Variants in STEAP1B observed in about 807,000 individuals in gnomAD.
STEAP1B encodes the protein STEAP family protein MGC87042.
STEAP1B carries 13 observed loss-of-function variants against 27.9 expected under a neutral mutation model. The observed-to-expected ratio is 0.47, with a 90% confidence interval of 0.30 to 0.74. STEAP1B has a LOEUF of 0.74. Ranked by LOEUF, STEAP1B falls within the 30% of genes least tolerant of loss-of-function variation. STEAP1B has a pLI of 0.06. For missense variants in STEAP1B, 250 were observed against 298.7 expected, an observed-to-expected ratio of 0.84 and a Z score of 1.20; for synonymous variants, 86 against 107.1, an observed-to-expected ratio of 0.80 and a Z score of 1.22.
chr7:22,485,475 A>G (rs149089873), intron 4 of STEAP1B, among the ~76,000 whole-genome samples: 20 of 152,338 alleles, frequency 1.3e-4, no homozygotes, highest in African/African-American at 4.8e-4. Context: ...AATAGACTAT[A>G]GTGTAGTATG....
chr7:22,493,707 G>A lies in STEAP1B; in HGVS notation c.214C>T (p.His72Tyr). ...ACAGCAGCTATTTTAATTGGCAAGT[G>A]CCACTGTGGAAAGAGTTCCTGTGCG... ...QHAQELFPQWHLPIKIAAVMA... is the reference protein window; with the variant it reads ...QHAQELFPQWYLPIKIAAVMA... Residue 72 changes from histidine to tyrosine, a missense_variant, in exon 3 of 5, where the codon CAC becomes TAC. Transcript: ENST00000678116. The A allele has an allele frequency of 1.2e-6, 2 of 1,614,004 alleles. No individual in the cohort carries two copies. The highest frequency in any genetic ancestry group is 1.1e-5 in the South Asian group (1 of 91,078).
At chr7:22,431,344 GA>G (rs962336216) in intron 4 of STEAP1B, among the ~76,000 whole-genome samples, 2 of 151,436 alleles carry the variant, frequency 1.3e-5, no homozygotes, top group Non-Finnish European at 3.0e-5. Context: ...CAGGAAGTGG[GA>G]AAAAAAAATC....
At chr7:22,483,980 T>A (rs1434197910) in intron 4 of STEAP1B, among the ~76,000 whole-genome samples, 1 of 152,204 alleles carries the variant, frequency 6.6e-6, no homozygotes, top group African/African-American at 2.4e-5. Context: ...GCCCTAAAGT[T>A]CTTCAGGTCT....
intron 4 of STEAP1B, among the ~76,000 whole-genome samples, chr7:22,457,324 G>A (rs1309176617): frequency 6.6e-6 from 1 of 152,112 alleles, no homozygotes; most frequent in African/African-American, 2.4e-5. Context: ...TGATTACCCT[G>A]AGTAAAATGC....
At chr7:22,439,095 C>A (rs1278762849) in intron 4 of STEAP1B, among the ~76,000 whole-genome samples, 1 of 152,084 alleles carries the variant, frequency 6.6e-6, no homozygotes, top group African/African-American at 2.4e-5. Context: ...TCACTAACCA[C>A]GTGAAAACCA....
rs2128397299 is a variant in STEAP1B at position 22,419,568 on chromosome 7, C to A, written c.*236G>T. 1 of 356,968 alleles carries A rather than the reference C, an allele frequency of 2.8e-6. No homozygotes were observed. The highest frequency in any genetic ancestry group is 7.1e-4 in the Middle Eastern group (1 of 1,404). 22.1% of individuals were successfully genotyped at this position (356,968 alleles called of 1,614,324 possible). The stretch of plus-strand genomic sequence containing the variant: ...AGGTTAGGCTCCGTAACAACCAACA[C>A]AATCTCAGTGGATTAGCACAACACA... On this transcript the variant is annotated 3_prime_UTR_variant, in exon 5 of 5. Transcript: ENST00000678116.
intron 4 of STEAP1B, among the ~76,000 whole-genome samples, chr7:22,477,876 C>A (rs1209913044): frequency 6.6e-6 from 1 of 152,162 alleles, no homozygotes; most frequent in African/African-American, 2.4e-5. Context: ...ACCTGTGGGT[C>A]CCATGAGCGA....
intron 4 of STEAP1B, among the ~76,000 whole-genome samples, chr7:22,442,376 G>A (rs1001775886): frequency 2.6e-5 from 4 of 152,262 alleles, no homozygotes; most frequent in African/African-American, 9.6e-5. Context: ...AATAACAGTG[G>A]CCTCCTCATC....
intron 4 of STEAP1B, among the ~76,000 whole-genome samples, chr7:22,438,022 T>C (rs1178551606): frequency 6.6e-6 from 1 of 152,224 alleles, no homozygotes; most frequent in Non-Finnish European, 1.5e-5. Context: ...TATCAGTGTA[T>C]ATGATTTGCA....
rs564641554 is a variant in STEAP1B at position 22,469,142 on chromosome 7, C to T, written c.762+23423G>A. 3.3e-5 allele frequency among the ~76,000 whole-genome samples: 5 copies of T among 152,188 alleles called. No individual in the cohort carries two copies. In the South Asian group the frequency reaches 1.0e-3, roughly 32 times the overall value. The stretch of plus-strand genomic sequence containing the variant: ...TGGGACAAGATATAGAGGTGGAAAG[C>T]AGTGATATTGATGATCTGGACCCTG... On this transcript the variant is annotated intron_variant, in intron 4 of 4. Coordinates refer to ENST00000678116, the MANE Select transcript of STEAP1B (RefSeq NM_001382447.1).
At position 22,493,400 on chromosome 7, in the gene STEAP1B, A is replaced by C. The variant is rs1786371472; in HGVS notation, c.521T>G (p.Leu174Arg). The C allele has an allele frequency of 6.2e-7, 1 of 1,614,076 alleles. No individual in the cohort carries two copies. Among genetic ancestry groups the C allele is most frequent in the Admixed American group, 1.7e-5 (1 of 60,012 alleles). Residue 174 changes from leucine to arginine, a missense_variant, in exon 3 of 5, where the codon CTG becomes CGG. Transcript: ENST00000678116. Reference sequence around the variant, plus strand: ...GTAAGACAGAGTATAAATTGCATGCAGTACAGCAAAAAACAAACTGAGAAG... The same window carrying C: ...GTAAGACAGAGTATAAATTGCATGCCGTACAGCAAAAAACAAACTGAGAAG... ...FGLLSLFFAV[L>R]HAIYTLSYAM...
intron 4 of STEAP1B, among the ~76,000 whole-genome samples, chr7:22,489,857 G>T (rs891600742): frequency 6.6e-6 from 1 of 152,152 alleles, no homozygotes; most frequent in African/African-American, 2.4e-5. Flanking sequence ...TGGGCAGTAT[G>T]GCCATTTTCA....
Position 22,430,318 on chromosome 7 carries a change from T to C in STEAP1B, c.763-10482A>G, listed in dbSNP as rs1379136898. Among the ~76,000 whole-genome samples, 7 of 152,178 alleles carry C rather than the reference T, an allele frequency of 4.6e-5. No homozygotes were observed. In the East Asian group the frequency reaches 1.2e-3, roughly 25 times the overall value. On this transcript the variant is annotated intron_variant, in intron 4 of 4. Coordinates refer to ENST00000678116, the MANE Select transcript of STEAP1B (RefSeq NM_001382447.1). ...AAATTAATTAGGGCACATAAACTGC[T>C]TGCATTGTACCAGACATATATGAAG...
chr7:22,463,340 T>C (rs1459379819), intron 4 of STEAP1B, among the ~76,000 whole-genome samples: 42 of 152,094 alleles, frequency 2.8e-4, no homozygotes, highest in Non-Finnish European at 4.6e-4. Flanking sequence ...TCCATGCTCA[T>C]GGGTAGGAAG....
At chr7:22,431,875 C>A (rs191363512) in intron 4 of STEAP1B, among the ~76,000 whole-genome samples, 7 of 152,324 alleles carry the variant, frequency 4.6e-5, no homozygotes, top group Admixed American at 3.9e-4. Context: ...TTATTCCCTC[C>A]CTTATCCCAT....
intron 4 of STEAP1B, among the ~76,000 whole-genome samples, chr7:22,491,131 T>C (rs1786313780): frequency 6.6e-6 from 1 of 152,246 alleles, no homozygotes; most frequent in Non-Finnish European, 1.5e-5. Context: ...CGTTTTAGAA[T>C]TGGAGTATCT....
chr7:22,465,307 G>A (rs571783875), intron 4 of STEAP1B, among the ~76,000 whole-genome samples: 73 of 152,120 alleles, frequency 4.8e-4, no homozygotes, highest in African/African-American at 1.5e-3. Context: ...GACCATGGTC[G>A]ACCTTGGATA....
chr7:22,478,839 C>T (rs1786018068), intron 4 of STEAP1B, among the ~76,000 whole-genome samples: 2 of 152,104 alleles, frequency 1.3e-5, no homozygotes, highest in African/African-American at 4.8e-5. Flanking sequence ...GAGGTCAGGC[C>T]ACTGTGTTCC....
intron 4 of STEAP1B, among the ~76,000 whole-genome samples, chr7:22,445,613 C>A (rs983506748): frequency 6.6e-5 from 10 of 152,248 alleles, no homozygotes; most frequent in Non-Finnish European, 1.5e-4. Flanking sequence ...GGCTTCCCGC[C>A]CTCCACCTCT....
Sources: allele counts gnomAD v4.1 joint callset (sites outside exome capture counted in the v4.1 genomes callset), GRCh38; gene constraint gnomAD v4.1.1; transcripts MANE v1.5; gene names NCBI Gene and HGNC (gene_info 2026-07-23, HGNC 2026-07-21).